DCHS2: variants seen among roughly 807,000 people sequenced by gnomAD.
DCHS2 encodes dachsous cadherin-related 2.
Under a neutral mutation model 182.4 loss-of-function variants are expected in DCHS2, and 142 were observed. The ratio of observed to expected loss-of-function variants is 0.78; its 90% confidence interval spans 0.68 to 0.89. The LOEUF is 0.89. Ranked by LOEUF, DCHS2 falls within the 40% of genes least tolerant of loss-of-function variation. DCHS2 has a pLI of 0.00. For synonymous variants in DCHS2, 1,740 were observed against 1,663.3 expected, an observed-to-expected ratio of 1.05 and a Z score of -1.12; for missense variants, 4,319 against 4,198.6, an observed-to-expected ratio of 1.03 and a Z score of -0.79.
chr4:154,489,750 G>T lies in DCHS2; in HGVS notation c.1606C>A (p.Pro536Thr), dbSNP rs1328934153. The T allele has an allele frequency of 6.4e-7, 1 of 1,551,544 alleles. No homozygotes were observed. The highest frequency in any genetic ancestry group is 8.7e-7 in the Non-Finnish European group (1 of 1,146,978). ...LLRVADLNDQ[P>T]PLFSQQHYKA... The stretch of plus-strand genomic sequence containing the variant: ...TAATGCTGTTGGCTGAAGAGAGGTG[G>T]TTGGTCATTGAGGTCAGCGACCCGG... Residue 536 changes from proline (P) to threonine (T), a missense_variant, in exon 1 of 20, where the codon CCA (proline) becomes ACA (threonine). Coordinates refer to ENST00000357232, the MANE Select transcript of DCHS2 (RefSeq NM_001358235.2).
At chr4:154,455,262 T>C (rs1393493298) in intron 1 of DCHS2, among the ~76,000 whole-genome samples, 1 of 152,152 alleles carries the variant, frequency 6.6e-6, no homozygotes, top group Admixed American at 6.6e-5. Flanking sequence ...ACAAACCTAC[T>C]TTAGAAAGAG....
At chr4:154,337,672 TGC>T (rs1728873550) in intron 3 of DCHS2, among the ~76,000 whole-genome samples, 1 of 152,170 alleles carries the variant, frequency 6.6e-6, no homozygotes, top group African/African-American at 2.4e-5. Context: ...TCTGGATTGC[TGC>T]GTCCTCTTCC....
At chr4:154,370,922 G>T (rs1328551497) in intron 2 of DCHS2, among the ~76,000 whole-genome samples, 1 of 152,120 alleles carries the variant, frequency 6.6e-6, no homozygotes, top group Non-Finnish European at 1.5e-5. Context: ...TCTTAACATG[G>T]GAGAAGAATT....
At chr4:154,473,180 C>T (rs1204374893) in intron 1 of DCHS2, among the ~76,000 whole-genome samples, 1 of 152,192 alleles carries the variant, frequency 6.6e-6, no homozygotes, top group Non-Finnish European at 1.5e-5. Context: ...CAAAGCATCC[C>T]TTCTGCATAG....
intron 9 of DCHS2, among the ~76,000 whole-genome samples, chr4:154,319,080 A>G (rs1480957523): frequency 1.3e-5 from 2 of 152,164 alleles, no homozygotes; most frequent in Non-Finnish European, 2.9e-5. Flanking sequence ...GGTTTCCAAT[A>G]CTACACTTTC....
At chr4:154,332,360 C>A in intron 5 of DCHS2, 118 bp downstream of exon 5, 2 of 905,160 alleles carry the variant, frequency 2.2e-6, no homozygotes, top group Non-Finnish European at 3.2e-6. Context: ...TACCTAACGA[C>A]TTGAGTTTTC....
chr4:154,323,519 G>T (rs1490673), intron 7 of DCHS2, among the ~76,000 whole-genome samples: 40,772 of 151,942 alleles, frequency 0.27, 6,473 homozygotes, highest in South Asian at 0.36. Flanking sequence ...CCCCACTGAT[G>T]CACAGCCTAG....
At chr4:154,412,357 C>A (rs1732666439) in intron 1 of DCHS2, among the ~76,000 whole-genome samples, 1 of 152,110 alleles carries the variant, frequency 6.6e-6, no homozygotes, top group Non-Finnish European at 1.5e-5. Flanking sequence ...TCAAGCTGAG[C>A]CTTCAGAGTG....
chr4:154,293,937 TC>T (rs142086535), intron 13 of DCHS2, among the ~76,000 whole-genome samples: 5,711 of 152,160 alleles, frequency 0.038, 143 homozygotes, highest in Non-Finnish European at 0.058. Flanking sequence ...CACAACTATC[TC>T]CCCGACCCTT....
intron 1 of DCHS2, among the ~76,000 whole-genome samples, chr4:154,459,222 G>T (rs914808707): frequency 6.6e-6 from 1 of 151,946 alleles, no homozygotes; most frequent in Non-Finnish European, 1.5e-5. Flanking sequence ...ATATTCTCAC[G>T]ACAAAATGGA....
chr4:154,386,612 G>A (rs767531800), intron 1 of DCHS2, among the ~76,000 whole-genome samples: 4 of 151,780 alleles, frequency 2.6e-5, no homozygotes, highest in East Asian at 3.9e-4. Context: ...TTTAAGCTTC[G>A]GGACAACCAT....
chr4:154,282,086 G>A lies in DCHS2; in HGVS notation c.6464-12073C>T, dbSNP rs565070361. 2.6e-5 allele frequency among the ~76,000 whole-genome samples: 4 copies of A among 152,146 alleles called. No individual in the cohort carries two copies. The South Asian group carries it at 8.3e-4, about 32-fold the overall frequency. On this transcript the variant is annotated intron_variant, in intron 13 of 19. Transcript: ENST00000357232. ...GAAACTCCAAAATTAATATAATATAGGAGGAGAGCTTCATGATATTTAATT... is the reference window on the plus strand; with the variant it reads ...GAAACTCCAAAATTAATATAATATAAGAGGAGAGCTTCATGATATTTAATT...
In DCHS2 at chr4:154,362,085, A is replaced by G. The variant is rs533900939; in HGVS notation, c.2476+4125T>C. 6.3e-4 allele frequency among the ~76,000 whole-genome samples: 96 copies of G among 152,280 alleles called. 1 individual carries two copies. In the South Asian group the frequency reaches 0.018, roughly 29 times the overall value. ...TATGACATAACATCTCAACCTGCCTATATAAGAACTTAGGATAAAAAGGAA... is the reference window on the plus strand; with the variant it reads ...TATGACATAACATCTCAACCTGCCTGTATAAGAACTTAGGATAAAAAGGAA... On this transcript the variant is annotated intron_variant, in intron 3 of 19. Transcript: ENST00000357232.
chr4:154,378,442 G>T (rs1731011327), intron 1 of DCHS2, among the ~76,000 whole-genome samples: 1 of 140,752 alleles, frequency 7.1e-6, no homozygotes, highest in Non-Finnish European at 1.5e-5. Context: ...AGGAAAAGAG[G>T]AGGAGGGAAG....
At position 154,236,852 on chromosome 4, in the gene DCHS2, C is replaced by T. The variant is rs1443831410; in HGVS notation, c.7800G>A (p.Val2600=). ...ATTCTGAATGAAAGAACTTAGTTTC[C>T]ACATGAAAATTGTTCTGTGAATTAC... ...ISGNSQNNFH[V]ETKFFHSEYP... Residue 2600 remains valine (V), a synonymous_variant, in exon 20 of 20, where the codon GTG becomes GTA. Coordinates refer to ENST00000357232, the MANE Select transcript of DCHS2 (RefSeq NM_001358235.2). 1 of 1,614,002 alleles carries T rather than the reference C, an allele frequency of 6.2e-7. No homozygotes were observed. The highest frequency in any genetic ancestry group is 2.2e-5 in the East Asian group (1 of 44,856).
chr4:154,450,769 G>T (rs934370850), intron 1 of DCHS2, among the ~76,000 whole-genome samples: 5 of 151,998 alleles, frequency 3.3e-5, no homozygotes, highest in African/African-American at 9.7e-5. Flanking sequence ...GAAGGCAGAG[G>T]TTACAGTGAG....
chr4:154,264,954 T>A (rs1733168666), intron 14 of DCHS2, among the ~76,000 whole-genome samples: 1 of 152,210 alleles, frequency 6.6e-6, no homozygotes, highest in Non-Finnish European at 1.5e-5. Flanking sequence ...TCGAGATCAG[T>A]AATTGCAAAT....
chr4:154,252,879 T>C (rs553453939), intron 16 of DCHS2, among the ~76,000 whole-genome samples: 2 of 152,220 alleles, frequency 1.3e-5, no homozygotes, highest in South Asian at 2.1e-4. Context: ...AGGAAATGTT[T>C]TATATTTTAA....
At position 154,235,827 on chromosome 4, in the gene DCHS2, G is replaced by A. The variant is rs924554739; in HGVS notation, c.8825C>T (p.Pro2942Leu). The A allele has an allele frequency of 6.2e-7, 1 of 1,613,736 alleles. No individual in the cohort carries two copies. The highest frequency in any genetic ancestry group is 1.3e-5 in the African/African-American group (1 of 74,866). The change falls in exon 20 of 20, where the codon CCC becomes CTC. Residue 2942 changes from proline to leucine, a missense_variant. Pro to Leu is a moderately conservative substitution (Grantham distance 98). Coordinates refer to ENST00000357232, the MANE Select transcript of DCHS2 (RefSeq NM_001358235.2). ...TTTGTTGAGTTGACTTTTTATTAGG[G>A]GAAGGGCTCTAATCAAATAAATATT... ...NGNIYLIRAL[P>L]LIKSQLNKED... is the part of the protein sequence containing the mutation.
Sources: allele counts gnomAD v4.1 joint callset (sites outside exome capture counted in the v4.1 genomes callset), GRCh38; gene constraint gnomAD v4.1.1; transcripts MANE v1.5; gene names NCBI Gene and HGNC (gene_info 2026-07-23, HGNC 2026-07-21).